The following MAP3K7 variants were observed in gnomAD, a reference collection of about 807,000 sequenced individuals.
The protein encoded by MAP3K7 is mitogen-activated protein kinase kinase kinase 7, also known as TGF-beta activated kinase 1.
A neutral mutation model predicts 84.8 loss-of-function variants in MAP3K7; 21 were observed. The ratio of observed to expected loss-of-function variants is 0.25; its 90% CI spans 0.18 to 0.36. The LOEUF is 0.36. Among genes scored for constraint, MAP3K7 ranks in the 10% least tolerant of loss-of-function variants. The pLI is 1.00. For synonymous variants in MAP3K7, 241 were observed against 247.7 expected (o/e 0.97, Z 0.25); for missense variants, 503 against 747.7 (o/e 0.67, Z 3.82).
chr6:90,585,594 TA>T (rs1209910043), intron 1 of MAP3K7, among the ~76,000 whole-genome samples: 1 of 148,976 alleles, frequency 6.7e-6, no homozygotes, highest in Non-Finnish European at 1.5e-5. Flanking sequence ...AAAGTGTCTT[TA>T]AAAAATATAT....
In MAP3K7 at chr6:90,586,806, G is replaced by A; in HGVS notation, c.78C>T (p.Leu26=). 2 of 1,610,224 alleles carry A rather than the reference G, an allele frequency of 1.2e-6. No homozygotes were observed. The highest frequency in any genetic ancestry group is 2.2e-5 in the South Asian group (2 of 90,758). ...GEMIEAPSQV[L]NFEEIDYKEI... ...CCTTGTAGTCGATCTCTTCAAAGTTGAGGACCTGGGAAGGGGCTTCGATCA... is the reference window on the plus strand; with the variant it reads ...CCTTGTAGTCGATCTCTTCAAAGTTAAGGACCTGGGAAGGGGCTTCGATCA... The change falls in exon 1 of 17, where the codon CTC becomes CTT. Residue 26 remains leucine, a synonymous_variant. Coordinates refer to ENST00000369329, the MANE Select transcript of MAP3K7 (RefSeq NM_145331.3).
At chr6:90,566,850 G>C (rs917594528) in intron 3 of MAP3K7, among the ~76,000 whole-genome samples, 15 of 152,158 alleles carry the variant, frequency 9.9e-5, no homozygotes, top group African/African-American at 3.6e-4. Flanking sequence ...GCACGGTACT[G>C]GTACCAAAAC....
chr6:90,520,280 A>G (rs1249241189), intron 14 of MAP3K7, among the ~76,000 whole-genome samples: 1 of 152,070 alleles, frequency 6.6e-6, no homozygotes, highest in Admixed American at 6.6e-5. Context: ...GCAAGTCAGG[A>G]AGACAGCAGA....
chr6:90,584,241 A>G (rs1777370632), intron 1 of MAP3K7, among the ~76,000 whole-genome samples: 1 of 152,154 alleles, frequency 6.6e-6, no homozygotes, highest in African/African-American at 2.4e-5. Context: ...ATCTAAGTTG[A>G]CAAATAGCTA....
chr6:90,545,084 T>C (rs1328329839), intron 11 of MAP3K7, among the ~76,000 whole-genome samples: 1 of 152,120 alleles, frequency 6.6e-6, no homozygotes, highest in Non-Finnish European at 1.5e-5. Flanking sequence ...TGAAGTGTGC[T>C]ATAAAGTAAA....
At chr6:90,571,343 A>G (rs2127984872) in intron 2 of MAP3K7, among the ~76,000 whole-genome samples, 1 of 152,262 alleles carries the variant, frequency 6.6e-6, no homozygotes, top group East Asian at 1.9e-4. Flanking sequence ...CATTCCATTT[A>G]AAGTAAGTGT....
At chr6:90,536,257 A>G in intron 13 of MAP3K7, 80 bp downstream of exon 13, 1 of 1,172,992 alleles carries the variant, frequency 8.5e-7, no homozygotes. Flanking sequence ...CATAAAACTA[A>G]TTTTGCAGAG....
intron 13 of MAP3K7, among the ~76,000 whole-genome samples, chr6:90,531,501 C>A (rs1775503744): frequency 6.6e-6 from 1 of 152,140 alleles, no homozygotes; most frequent in African/African-American, 2.4e-5. Context: ...ATGGTAGTTA[C>A]AGATAATTAA....
chr6:90,577,566 G>A (rs1056149574), intron 1 of MAP3K7, among the ~76,000 whole-genome samples: 3 of 152,198 alleles, frequency 2.0e-5, no homozygotes, highest in Non-Finnish European at 4.4e-5. Flanking sequence ...AGAGGAGAAG[G>A]AATGGGCAAG....
chr6:90,546,836 T>C (rs1776016754), intron 11 of MAP3K7, among the ~76,000 whole-genome samples: 1 of 152,192 alleles, frequency 6.6e-6, no homozygotes, highest in African/African-American at 2.4e-5. Context: ...AAATCATACA[T>C]GGATCTGGAA....
chr6:90,521,283 T>C (rs1202171318), intron 14 of MAP3K7, among the ~76,000 whole-genome samples: 5 of 151,170 alleles, frequency 3.3e-5, no homozygotes, highest in African/African-American at 9.8e-5. Context: ...TGTGTGTGTG[T>C]GTGTTTCAAT....
chr6:90,533,077 T>C (rs973130948), intron 13 of MAP3K7, among the ~76,000 whole-genome samples: 2 of 152,140 alleles, frequency 1.3e-5, no homozygotes, highest in African/African-American at 4.8e-5. Flanking sequence ...TGGCTGCAAA[T>C]TAGGTGAAAA....
At chr6:90,561,759 A>G (rs1776522894) in intron 3 of MAP3K7, 92 bp from the exon 4 acceptor site, 4 of 883,344 alleles carry the variant, frequency 4.5e-6, no homozygotes, top group Non-Finnish European at 7.5e-6. Context: ...CTGATTTTAT[A>G]GATATATTAA....
At chr6:90,581,711 T>C (rs1242401812) in intron 1 of MAP3K7, among the ~76,000 whole-genome samples, 3 of 152,204 alleles carry the variant, frequency 2.0e-5, no homozygotes, top group African/African-American at 7.2e-5. Flanking sequence ...TAATTCCAGA[T>C]TTCTACTGAA....
chr6:90,538,219 A>C (rs1430726857), intron 12 of MAP3K7, among the ~76,000 whole-genome samples: 3 of 151,946 alleles, frequency 2.0e-5, no homozygotes, highest in Non-Finnish European at 4.4e-5. Flanking sequence ...GCAATCAACA[A>C]ATACTTGTTG....
chr6:90,535,527 C>A lies in MAP3K7; in HGVS notation c.1356+810G>T, dbSNP rs1355520304. 2.6e-5 allele frequency among the ~76,000 whole-genome samples: 4 copies of A among 151,952 alleles called. No individual in the cohort carries two copies. The South Asian group carries it at 8.3e-4, about 32-fold the overall frequency. On this transcript the variant is annotated intron_variant, in intron 13 of 16. Transcript: ENST00000369329. ...TCTCATAAAACTTATTCTTGTACAG[C>A]TGAAAACAAACACCTTATAATTAAT...
intron 13 of MAP3K7, among the ~76,000 whole-genome samples, chr6:90,533,965 A>G (rs1284445701): frequency 6.6e-6 from 1 of 152,320 alleles, no homozygotes; most frequent in East Asian, 1.9e-4. Flanking sequence ...TGTATGTTGT[A>G]AGAATGCAAT....
chr6:90,558,887 T>C (rs908253936), intron 5 of MAP3K7, among the ~76,000 whole-genome samples: 1 of 152,198 alleles, frequency 6.6e-6, no homozygotes, highest in African/African-American at 2.4e-5. Flanking sequence ...CAGACTCTTT[T>C]AGGAAAAGAA....
chr6:90,544,597 C>T lies in MAP3K7; in HGVS notation c.1246G>A (p.Ala416Thr). ...ACATCCAGAATGTTGCCAAATGAAGCAGTTTTACGGTGGCCCCGTTTAGGC... is the reference window on the plus strand; with the variant it reads ...ACATCCAGAATGTTGCCAAATGAAGTAGTTTTACGGTGGCCCCGTTTAGGC... ...SKPKRGHRKT[A>T]SFGNILDVPE... is the part of the protein sequence containing the mutation. Residue 416 changes from alanine to threonine, a missense_variant, in exon 12 of 17, where the codon GCT (alanine) becomes ACT (threonine). Ala to Thr is a moderately conservative substitution (Grantham distance 58). Transcript: ENST00000369329. The T allele has an allele frequency of 6.2e-7, 1 of 1,612,516 alleles. No homozygotes were observed. The highest frequency in any genetic ancestry group is 1.1e-5 in the South Asian group (1 of 91,052).
Sources: allele counts gnomAD v4.1 joint callset (sites outside exome capture counted in the v4.1 genomes callset), GRCh38; gene constraint gnomAD v4.1.1; transcripts MANE v1.5; gene names NCBI Gene and HGNC (gene_info 2026-07-23, HGNC 2026-07-21).